SLC24A2: variants seen among roughly 807,000 people sequenced by gnomAD.
SLC24A2 encodes sodium/potassium/calcium exchanger 2.
Under a neutral mutation model 62.0 loss-of-function variants are expected in SLC24A2, and 36 were observed. The ratio of observed to expected loss-of-function variants is 0.58; its 90% CI spans 0.44 to 0.77. The LOEUF (loss-of-function observed/expected upper bound fraction) is 0.77. Among genes scored for constraint, SLC24A2 ranks in the 30% least tolerant of loss-of-function variants. The probability of loss-of-function intolerance (pLI) is 0.00; values close to 1 mark genes in which losing one functional copy is unlikely to be tolerated. For synonymous variants in SLC24A2, 358 were observed against 294.0 expected (o/e 1.22, Z -2.23); for missense variants, 846 against 817.9 (o/e 1.03, Z -0.42).
At chr9:19,936,551 G>A in the SLC24A2 span, among the ~76,000 whole-genome samples, 1 of 152,184 alleles carries the variant, frequency 6.6e-6, no homozygotes, top group Non-Finnish European at 1.5e-5. Flanking sequence ...TAGGATTACA[G>A]GCGCTCAGCC....
At chr9:19,832,404 G>A in the SLC24A2 span, among the ~76,000 whole-genome samples, 139 of 152,206 alleles carry the variant, frequency 9.1e-4, 2 homozygotes, top group East Asian at 0.021. Context: ...GATTAGTAAC[G>A]GATTCTGTCA....
At chr9:20,103,458 C>A in the SLC24A2 span, among the ~76,000 whole-genome samples, 13 of 152,184 alleles carry the variant, frequency 8.5e-5, no homozygotes, top group Non-Finnish European at 1.6e-4. Context: ...CCAGCAGGGG[C>A]AGACTGACAC....
At chr9:19,945,020 G>A in the SLC24A2 span, among the ~76,000 whole-genome samples, 1 of 152,054 alleles carries the variant, frequency 6.6e-6, no homozygotes, top group South Asian at 2.1e-4. Flanking sequence ...CATACAGAGT[G>A]GTCTTGATCA....
the SLC24A2 span, among the ~76,000 whole-genome samples, chr9:20,056,089 A>C: frequency 6.6e-6 from 1 of 152,210 alleles, no homozygotes; most frequent in African/African-American, 2.4e-5. Flanking sequence ...AAAAGATCAT[A>C]TGTAAAATGG....
At chr9:20,276,408 G>C in the SLC24A2 span, among the ~76,000 whole-genome samples, 1 of 152,240 alleles carries the variant, frequency 6.6e-6, no homozygotes, top group East Asian at 1.9e-4. Context: ...TCACGCTGAT[G>C]CAAGAGTTGG....
intron 2 of SLC24A2, among the ~76,000 whole-genome samples, chr9:19,733,924 G>C (rs1821418393): frequency 6.6e-6 from 1 of 152,074 alleles, no homozygotes; most frequent in Admixed American, 6.6e-5. Flanking sequence ...CAGGTAATAA[G>C]TCCAGGAAGA....
chr9:20,021,631 A>G, the SLC24A2 span, among the ~76,000 whole-genome samples: 1 of 152,048 alleles, frequency 6.6e-6, no homozygotes, highest in African/African-American at 2.4e-5. Context: ...CAGGTTCAGT[A>G]TAATCTCCTC....
the SLC24A2 span, among the ~76,000 whole-genome samples, chr9:19,797,458 G>C: frequency 6.6e-6 from 1 of 152,138 alleles, no homozygotes; most frequent in African/African-American, 2.4e-5. Flanking sequence ...TACGAATCAG[G>C]CATTAAAATG....
At chr9:20,189,830 C>T in the SLC24A2 span, among the ~76,000 whole-genome samples, 1 of 152,118 alleles carries the variant, frequency 6.6e-6, no homozygotes, top group Non-Finnish European at 1.5e-5. Flanking sequence ...CCTAAGTTTC[C>T]AGCCCTAGAA....
At chr9:20,108,362 G>A in the SLC24A2 span, among the ~76,000 whole-genome samples, 9 of 152,170 alleles carry the variant, frequency 5.9e-5, no homozygotes, top group South Asian at 1.5e-3. Context: ...ATACCCAAAG[G>A]ACTATAAATC....
At chr9:19,765,740 A>T (rs966156445) in intron 2 of SLC24A2, among the ~76,000 whole-genome samples, 1 of 151,938 alleles carries the variant, frequency 6.6e-6, no homozygotes, top group African/African-American at 2.4e-5. Flanking sequence ...TTTTTCCTTC[A>T]TTTCAATTTT....
At chr9:19,723,237 A>T (rs926489153) in intron 2 of SLC24A2, among the ~76,000 whole-genome samples, 11 of 152,276 alleles carry the variant, frequency 7.2e-5, no homozygotes, top group Admixed American at 6.5e-4. Context: ...TAAGGCAATT[A>T]TTTTAGGTAG....
At chr9:19,602,956 G>A (rs528111653) in intron 4 of SLC24A2, among the ~76,000 whole-genome samples, 1 of 152,184 alleles carries the variant, frequency 6.6e-6, no homozygotes, top group African/African-American at 2.4e-5. Flanking sequence ...TTCAGAGTTC[G>A]AGCTGAATAT....
chr9:19,562,502 G>C (rs888076132), intron 7 of SLC24A2, among the ~76,000 whole-genome samples: 5 of 152,146 alleles, frequency 3.3e-5, no homozygotes, highest in Non-Finnish European at 5.9e-5. Context: ...AGAAACTCTA[G>C]AGTCTGATCT....
intron 8 of SLC24A2, among the ~76,000 whole-genome samples, chr9:19,532,147 A>C (rs1036913302): frequency 6.6e-6 from 1 of 152,114 alleles, no homozygotes; most frequent in Non-Finnish European, 1.5e-5. Context: ...CAATGGTGCA[A>C]TCTTGGCTCA....
intron 2 of SLC24A2, among the ~76,000 whole-genome samples, chr9:19,758,059 CTTT>C (rs1327602990): frequency 6.6e-6 from 1 of 152,056 alleles, no homozygotes; most frequent in Non-Finnish European, 1.5e-5. Context: ...GCTAAATAAA[CTTT>C]TTTTCTTTAT....
At chr9:19,805,830 A>G in the SLC24A2 span, among the ~76,000 whole-genome samples, 13 of 144,658 alleles carry the variant, frequency 9.0e-5, no homozygotes, top group South Asian at 2.8e-3. Context: ...CATGGGTCTG[A>G]GTTTTAAAAA....
chr9:19,663,313 C>T (rs1422827806), intron 2 of SLC24A2, among the ~76,000 whole-genome samples: 3 of 152,128 alleles, frequency 2.0e-5, no homozygotes, highest in Non-Finnish European at 4.4e-5. Flanking sequence ...TGCTGAGGTC[C>T]CAGTTCCCAC....
the SLC24A2 span, among the ~76,000 whole-genome samples, chr9:20,122,340 T>C: frequency 6.6e-6 from 1 of 152,322 alleles, no homozygotes; most frequent in South Asian, 2.1e-4. Context: ...GGAAAGCAGT[T>C]GATTGCATTT....
Sources: gnomAD v4.1 joint callset for allele counts (sites outside exome capture counted in the v4.1 genomes callset) on GRCh38, gnomAD v4.1.1 for gene constraint, MANE v1.5 for transcripts, NCBI Gene and HGNC (gene_info 2026-07-23, HGNC 2026-07-21) for gene names.